Variants in RABGAP1L observed in about 807,000 individuals in gnomAD.
RABGAP1L encodes the protein rab GTPase-activating protein 1-like.
Under a neutral mutation model 137.7 loss-of-function variants are expected in RABGAP1L, and 63 were observed. That is an observed-to-expected ratio of 0.46 (90% CI 0.37 to 0.56). The LOEUF (loss-of-function observed/expected upper bound fraction) is 0.56, where lower values mean the gene tolerates loss of function less well. RABGAP1L is among the 20% of genes least tolerant of loss of function. RABGAP1L has a pLI of 0.00. For missense variants in RABGAP1L, 1,095 were observed against 1,244.0 expected, an observed-to-expected ratio of 0.88 and a Z score of 1.80; for synonymous variants, 431 against 433.7, an observed-to-expected ratio of 0.99 and a Z score of 0.08.
At chr1:174,468,641 G>C (rs1334930023) in intron 13 of RABGAP1L, among the ~76,000 whole-genome samples, 1 of 152,178 alleles carries the variant, frequency 6.6e-6, no homozygotes, top group Admixed American at 6.6e-5. Context: ...CTAATATTGA[G>C]CATTATATCC....
intron 13 of RABGAP1L, among the ~76,000 whole-genome samples, chr1:174,467,344 A>G (rs566321921): frequency 4.7e-4 from 72 of 152,158 alleles, no homozygotes; most frequent in Non-Finnish European, 7.2e-4. Flanking sequence ...TCAAAGATTA[A>G]TAATACTACC....
At chr1:174,472,557 G>C (rs1658061274) in intron 13 of RABGAP1L, among the ~76,000 whole-genome samples, 1 of 152,194 alleles carries the variant, frequency 6.6e-6, no homozygotes, top group Admixed American at 6.5e-5. Flanking sequence ...ATGGGGCAAA[G>C]TCTGGAGGAA....
chr1:174,201,102 A>G (rs1160805885), intron 1 of RABGAP1L, among the ~76,000 whole-genome samples: 1 of 152,000 alleles, frequency 6.6e-6, no homozygotes, highest in East Asian at 1.9e-4. Context: ...TATAGAAACT[A>G]TTTTTTAATT....
chr1:174,918,667 C>T (rs182495276), intron 19 of RABGAP1L, among the ~76,000 whole-genome samples: 1 of 152,296 alleles, frequency 6.6e-6, no homozygotes, highest in Non-Finnish European at 1.5e-5. Context: ...CACCTGTAGT[C>T]CCAGCTACCT....
intron 19 of RABGAP1L, among the ~76,000 whole-genome samples, chr1:174,881,656 T>C (rs1317509933): frequency 6.6e-6 from 1 of 151,890 alleles, no homozygotes; most frequent in East Asian, 1.9e-4. Context: ...CTAGCCACCA[T>C]GCCCAGCTAA....
chr1:174,804,451 T>G (rs947252524), intron 18 of RABGAP1L, among the ~76,000 whole-genome samples: 71 of 151,982 alleles, frequency 4.7e-4, no homozygotes, highest in African/African-American at 1.6e-3. Context: ...TTGTATTTTT[T>G]GTAGAACTGA....
At chr1:174,934,344 T>A (rs1267680311) in intron 19 of RABGAP1L, among the ~76,000 whole-genome samples, 2 of 152,070 alleles carry the variant, frequency 1.3e-5, no homozygotes, top group African/African-American at 4.8e-5. Flanking sequence ...TGCCTCGGCC[T>A]CCCAGGTGCT....
chr1:174,895,057 C>G (rs1656903837), intron 19 of RABGAP1L, among the ~76,000 whole-genome samples: 1 of 152,056 alleles, frequency 6.6e-6, no homozygotes, highest in Non-Finnish European at 1.5e-5. Flanking sequence ...GTGCCTGGCC[C>G]CAAGTTGTTT....
At chr1:174,965,648 G>A (rs112978212) in intron 20 of RABGAP1L, among the ~76,000 whole-genome samples, 5 of 152,276 alleles carry the variant, frequency 3.3e-5, no homozygotes, top group African/African-American at 1.2e-4. Flanking sequence ...TCTCACTGTA[G>A]TGCTCAGTAG....
At chr1:174,189,927 C>CT (rs1315488957) in intron 1 of RABGAP1L, among the ~76,000 whole-genome samples, 3 of 152,068 alleles carry the variant, frequency 2.0e-5, no homozygotes, top group Admixed American at 6.6e-5. Flanking sequence ...GAAGAGAGAC[C>CT]TGAGCTAGCA....
intron 1 of RABGAP1L, among the ~76,000 whole-genome samples, chr1:174,169,874 G>T (rs928153750): frequency 1.6e-4 from 24 of 151,838 alleles, no homozygotes; most frequent in African/African-American, 5.6e-4. Flanking sequence ...TTTTAAATGG[G>T]AGTCTCCCTA....
At chr1:174,524,202 T>G (rs200421763) in intron 13 of RABGAP1L, among the ~76,000 whole-genome samples, 13,478 of 147,886 alleles carry the variant, frequency 0.091, 806 homozygotes, top group East Asian at 0.22. Context: ...GTTGTTGTTG[T>G]TGTTGTTTTT....
chr1:174,284,353 T>C (rs1383383276), intron 10 of RABGAP1L, among the ~76,000 whole-genome samples: 2 of 152,230 alleles, frequency 1.3e-5, no homozygotes, highest in Non-Finnish European at 2.9e-5. Context: ...TTTGTCTTTC[T>C]AGTCTAGCTT....
intron 13 of RABGAP1L, among the ~76,000 whole-genome samples, chr1:174,611,618 T>A (rs1204928016): frequency 6.6e-6 from 1 of 150,842 alleles, no homozygotes; most frequent in East Asian, 1.9e-4. Flanking sequence ...TTGATGGGGA[T>A]GGCATTGAAT....
intron 19 of RABGAP1L, among the ~76,000 whole-genome samples, chr1:174,908,385 G>A (rs1032218074): frequency 2.6e-5 from 4 of 152,058 alleles, no homozygotes; most frequent in African/African-American, 9.7e-5. Flanking sequence ...CCCCAGAATA[G>A]ACCATATCTT....
At chr1:174,766,432 G>C (rs1329281) in intron 18 of RABGAP1L, among the ~76,000 whole-genome samples, 95,013 of 152,062 alleles carry the variant, frequency 0.62, 32,941 homozygotes, top group East Asian at 0.93. Flanking sequence ...TATTTCTGGA[G>C]TCTCTATTCC....
At chr1:174,771,627 A>T (rs1686118286) in intron 18 of RABGAP1L, among the ~76,000 whole-genome samples, 1 of 152,244 alleles carries the variant, frequency 6.6e-6, no homozygotes. Context: ...CATTTGTTCT[A>T]CATTAGTGAA....
intron 13 of RABGAP1L, among the ~76,000 whole-genome samples, chr1:174,635,056 TAAAA>T: frequency 6.7e-6 from 1 of 149,710 alleles, no homozygotes; most frequent in African/African-American, 2.5e-5. Flanking sequence ...AATAATAAAA[TAAAA>T]AAATAAAAAA....
rs148043120 is a variant in RABGAP1L, at chr1:174,463,054, A to G, written c.1710+68909A>G. Among the ~76,000 whole-genome samples the G allele has an allele frequency of 1.8e-3, 272 of 152,260 alleles. 3 individuals are homozygous for G. The highest frequency in any genetic ancestry group is 0.013 in the East Asian group (66 of 5,172). ...TATGGAGAAACAGGAACACTTTTAC[A>G]CTGTTGGTGGGACTGTAAACTAGTT... On this transcript the variant is annotated intron_variant, in intron 13 of 25. Coordinates refer to ENST00000681986, the MANE Select transcript of RABGAP1L (RefSeq NM_001366446.1).
Sources: allele counts gnomAD v4.1 joint callset (sites outside exome capture counted in the v4.1 genomes callset), GRCh38; gene constraint gnomAD v4.1.1; transcripts MANE v1.5; gene names NCBI Gene and HGNC (gene_info 2026-07-23, HGNC 2026-07-21).